DHCR7: variants seen among roughly 807,000 people sequenced by gnomAD.
DHCR7 encodes the protein 7-DHC reductase.
A neutral mutation model predicts 43.3 loss-of-function variants in DHCR7; 40 were observed. The ratio of observed to expected loss-of-function variants is 0.92; its 90% confidence interval spans 0.72 to 1.20. The LOEUF is 1.20. Among genes scored for constraint, DHCR7 ranks in the 50% most tolerant of loss-of-function variants. The pLI, the probability that DHCR7 is intolerant of heterozygous loss-of-function variation, is 0.00. For missense variants in DHCR7, 608 were observed against 644.6 expected (o/e 0.94, Z 0.62); for synonymous variants, 298 against 271.4 (o/e 1.10, Z -0.96).
Position 71,435,632 on chromosome 11 carries a change from G to T in DHCR7, c.1171C>A (p.His391Asn). The T allele has an allele frequency of 6.2e-7, 1 of 1,612,048 alleles. No individual in the cohort carries two copies. The highest frequency in any genetic ancestry group is 2.2e-5 in the East Asian group (1 of 44,864). Residue 391 changes from histidine (H) to asparagine (N), a missense_variant, in exon 9 of 9, where the codon CAC becomes AAC. Coordinates refer to ENST00000355527, the MANE Select transcript of DHCR7 (RefSeq NM_001360.3). ...SYTSADGQRHHSKLLVSGFWG... is the reference protein window; with the variant it reads ...SYTSADGQRHNSKLLVSGFWG... ...AAGCCCGACACCAGCAGCTTGCTGT[G>T]GTGCCTCTGCCCATCGGCGGATGTG...
intron 7 of DHCR7, among the ~76,000 whole-genome samples, chr11:71,438,213 G>A (rs565859721): frequency 6.6e-5 from 10 of 152,294 alleles, no homozygotes; most frequent in African/African-American, 2.4e-4. Flanking sequence ...GCAATGGCGC[G>A]TGCCAAGGGG....
intron 2 of DHCR7, among the ~76,000 whole-genome samples, chr11:71,446,202 G>C (rs1293946547): frequency 7.2e-6 from 1 of 139,446 alleles, no homozygotes; most frequent in African/African-American, 2.6e-5. Flanking sequence ...ATATGTGACA[G>C]CTCGGTTAGA....
rs551142988 is a variant in DHCR7, at chr11:71,428,730, A to G, written c.*93T>C. ...CCTGCAGCTCCCTGCAGTCCTGTCC[A>G]GGGGGAAACAGCCCAGATGGTTCTG... On this transcript the variant is annotated 3_prime_UTR_variant, in exon 3 of 3. Coordinates refer to the DHCR7 transcript ENST00000534795. 52 of 431,266 alleles carry G rather than the reference A, an allele frequency of 1.2e-4. No homozygotes were observed. The Middle Eastern group carries it at 3.6e-3, about 30-fold the overall frequency. 26.7% of individuals were successfully genotyped at this position (431,266 alleles called of 1,614,324 possible).
chr11:71,428,104 T>C (rs1198258088), downstream of DHCR7: 1 of 152,208 alleles, frequency 6.6e-6, no homozygotes, highest in Non-Finnish European at 1.5e-5. Flanking sequence ...AACTCTTTCC[T>C]TCATAAAAAT....
chr11:71,430,234 T>C (rs1358607689), downstream of DHCR7, among the ~76,000 whole-genome samples: 1 of 152,180 alleles, frequency 6.6e-6, no homozygotes, highest in Non-Finnish European at 1.5e-5. Context: ...CTCCTGATAA[T>C]GCAGGGTTTT....
chr11:71,440,092 A>T (rs1441735770), intron 6 of DHCR7, among the ~76,000 whole-genome samples: 1 of 152,012 alleles, frequency 6.6e-6, no homozygotes, highest in African/African-American at 2.4e-5. Context: ...GAGCAGGTGG[A>T]TGGATATATG....
At chr11:71,428,875 T>C (rs1168739998) in intron 2 of DHCR7, 2 of 456,158 alleles carry the variant, frequency 4.4e-6, no homozygotes, top group African/African-American at 4.0e-5. Context: ...TCAAGAATTC[T>C]TTCTCAAGAC....
chr11:71,440,585 A>T (rs1054377683), intron 6 of DHCR7, among the ~76,000 whole-genome samples: 2 of 131,104 alleles, frequency 1.5e-5, no homozygotes, highest in African/African-American at 6.0e-5. Flanking sequence ...GGGTGATGGG[A>T]GGGTAGATGG....
intron 3 of DHCR7, 85 bp downstream of exon 3, chr11:71,444,769 TC>T: frequency 1.7e-6 from 2 of 1,199,572 alleles, no homozygotes; most frequent in Non-Finnish European, 2.5e-6. Context: ...GGTCCTTCAT[TC>T]CTTTGGGTCC....
chr11:71,442,252 G>A lies in DHCR7; in HGVS notation c.412+11C>T, dbSNP rs761692630. 3 of 1,605,942 alleles carry A rather than the reference G, an allele frequency of 1.9e-6. No individual in the cohort carries two copies. Among genetic ancestry groups the A allele is most frequent in the East Asian group, 2.2e-5 (1 of 44,762 alleles). ...ACGGGAGCCTGGGGAGGGTGGAAGGGAGGAGGCTACCTGCAGGAGTCACGG... is the reference window on the plus strand; with the variant it reads ...ACGGGAGCCTGGGGAGGGTGGAAGGAAGGAGGCTACCTGCAGGAGTCACGG... On this transcript the variant is annotated intron_variant, in intron 5 of 8. Coordinates refer to ENST00000355527, the MANE Select transcript of DHCR7 (RefSeq NM_001360.3).
chr11:71,439,648 G>A (rs898114021), intron 6 of DHCR7, among the ~76,000 whole-genome samples: 4 of 152,296 alleles, frequency 2.6e-5, no homozygotes, highest in Admixed American at 6.5e-5. Flanking sequence ...ATCCCCGGAG[G>A]GCCAGAGCAT....
At chr11:71,431,990 AT>A (rs1363179425), downstream of DHCR7, among the ~76,000 whole-genome samples, 1 of 152,038 alleles carries the variant, frequency 6.6e-6, no homozygotes, top group Non-Finnish European at 1.5e-5. Flanking sequence ...TGCCCAACTA[AT>A]TTTTTAATTG....
intron 5 of DHCR7, among the ~76,000 whole-genome samples, chr11:71,442,049 T>C (rs535303488): frequency 6.6e-6 from 1 of 152,260 alleles, no homozygotes; most frequent in East Asian, 1.9e-4. Flanking sequence ...GGCCATCCAT[T>C]CCCTCCTTAC....
downstream of DHCR7, among the ~76,000 whole-genome samples, chr11:71,429,757 G>C (rs902421102): frequency 5.3e-5 from 8 of 152,118 alleles, no homozygotes; most frequent in African/African-American, 1.7e-4. Context: ...CCAAGCCGTG[G>C]AGGTGTTTAA....
chr11:71,446,558 G>A (rs1011036512), intron 2 of DHCR7, among the ~76,000 whole-genome samples: 1 of 152,250 alleles, frequency 6.6e-6, no homozygotes, highest in African/African-American at 2.4e-5. Flanking sequence ...TGGCAAGCAA[G>A]ACTGTCGGAT....
At position 71,441,454 on chromosome 11, in the gene DHCR7, A is replaced by G; in HGVS notation, c.413-14T>C. Reference sequence around the variant, plus strand: ...TGTTCACAACCCCTGCAGATGAAGGATTCAGAAATGAAGGCGCTTTCCCAA... The same window carrying G: ...TGTTCACAACCCCTGCAGATGAAGGGTTCAGAAATGAAGGCGCTTTCCCAA... On this transcript the variant is annotated splice_polypyrimidine_tract_variant and intron_variant, in intron 5 of 8. Coordinates refer to ENST00000355527, the MANE Select transcript of DHCR7 (RefSeq NM_001360.3). 1 of 1,603,510 alleles carries G rather than the reference A, an allele frequency of 6.2e-7. No individual in the cohort carries two copies. Among genetic ancestry groups the G allele is most frequent in the Non-Finnish European group, 8.5e-7 (1 of 1,173,470 alleles).
Position 71,435,120 on chromosome 11 carries a change from G to A in DHCR7, c.*255C>T. 1.5e-6 allele frequency: 1 copy of A among 668,512 alleles called. No individual in the cohort carries two copies. Among genetic ancestry groups the A allele is most frequent in the East Asian group, 2.9e-5 (1 of 34,538 alleles). 41.4% of individuals were successfully genotyped at this position (668,512 alleles called of 1,614,324 possible). On this transcript the variant is annotated 3_prime_UTR_variant, in exon 9 of 9. Coordinates refer to ENST00000355527, the MANE Select transcript of DHCR7 (RefSeq NM_001360.3). ...GTAAAGGTGACTGGGTCATCCTCCTGCCCCAGGGACACTGATTAGAGAAAA... is the reference window on the plus strand; with the variant it reads ...GTAAAGGTGACTGGGTCATCCTCCTACCCCAGGGACACTGATTAGAGAAAA...
At chr11:71,445,097 G>A in intron 2 of DHCR7, 139 bp from the exon 3 acceptor site, 3 of 721,402 alleles carry the variant, frequency 4.2e-6, no homozygotes, top group Non-Finnish European at 7.4e-6. Flanking sequence ...CCTGACAGCA[G>A]ATTCCAGGCA....
intron 2 of DHCR7, among the ~76,000 whole-genome samples, chr11:71,445,703 T>C (rs1949397411): frequency 6.6e-6 from 1 of 152,212 alleles, no homozygotes; most frequent in African/African-American, 2.4e-5. Flanking sequence ...ACAGAATGTC[T>C]CTAGGTACCC....
Sources: gnomAD v4.1 joint callset for allele counts (sites outside exome capture counted in the v4.1 genomes callset) on GRCh38, gnomAD v4.1.1 for gene constraint, MANE v1.5 for transcripts, NCBI Gene and HGNC (gene_info 2026-07-23, HGNC 2026-07-21) for gene names.